The following CHRM2 variants were observed in gnomAD, a reference collection of about 807,000 sequenced individuals.
The protein encoded by CHRM2 is cholinergic receptor muscarinic 2, also known as muscarinic acetylcholine receptor M2.
A neutral mutation model predicts 25.0 loss-of-function variants in CHRM2; 8 were observed. The observed-to-expected ratio is 0.32, with a 90% CI of 0.19 to 0.58. The LOEUF is 0.58. Among genes scored for constraint, CHRM2 ranks in the 20% least tolerant of loss-of-function variants. The pLI, the probability that CHRM2 is intolerant of heterozygous loss-of-function variation, is 0.88. For missense variants in CHRM2, 440 were observed against 567.1 expected (o/e 0.78, Z 2.28); for synonymous variants, 202 against 205.7 (o/e 0.98, Z 0.15).
chr7:136,984,225 C>T (rs1218469888), intron 2 of CHRM2, among the ~76,000 whole-genome samples: 1 of 152,124 alleles, frequency 6.6e-6, no homozygotes, highest in Non-Finnish European at 1.5e-5. Context: ...TTCCCAGAGG[C>T]TTTGTTTGCA....
In CHRM2 at chr7:137,017,200, A is replaced by T. The variant is rs1202721536; in HGVS notation, c.*934A>T. The T allele has an allele frequency of 6.6e-6, 1 of 152,012 alleles. No homozygotes were observed. The highest frequency in any genetic ancestry group is 1.5e-5 in the Non-Finnish European group (1 of 67,950). 9.4% of individuals were successfully genotyped at this position (152,012 alleles called of 1,614,324 possible). On this transcript the variant is annotated 3_prime_UTR_variant, in exon 4 of 4. Coordinates refer to ENST00000680005, the MANE Select transcript of CHRM2 (RefSeq NM_001006630.2). Reference sequence around the variant, plus strand: ...GTTTAAGAAACCATCGTCACTGTAAAGTTGAGGTTTCATCAAATTAAATAA... The same window carrying T: ...GTTTAAGAAACCATCGTCACTGTAATGTTGAGGTTTCATCAAATTAAATAA...
At chr7:136,972,555 GAA>G (rs144044776) in intron 2 of CHRM2, among the ~76,000 whole-genome samples, 2 of 148,656 alleles carry the variant, frequency 1.3e-5, no homozygotes, top group Admixed American at 6.7e-5. Flanking sequence ...TCTTATGAAA[GAA>G]AAAAAAAATA....
intron 3 of CHRM2, among the ~76,000 whole-genome samples, chr7:137,010,409 G>A (rs996192196): frequency 1.3e-5 from 2 of 152,066 alleles, no homozygotes; most frequent in African/African-American, 4.8e-5. Flanking sequence ...CTGAGTTCTT[G>A]AAGGTCATCT....
intron 3 of CHRM2, among the ~76,000 whole-genome samples, chr7:137,001,699 T>C (rs1371393904): frequency 6.6e-6 from 1 of 152,184 alleles, no homozygotes; most frequent in African/African-American, 2.4e-5. Flanking sequence ...AGCAATACAA[T>C]AGGTCTGTAT....
chr7:136,908,833 G>T (rs1235114804), intron 2 of CHRM2, among the ~76,000 whole-genome samples: 1 of 151,890 alleles, frequency 6.6e-6, no homozygotes, highest in Non-Finnish European at 1.5e-5. Flanking sequence ...GGAAAGAGAT[G>T]AAATAAGTAT....
intron 2 of CHRM2, among the ~76,000 whole-genome samples, chr7:136,886,168 C>T (rs549826510): frequency 6.6e-6 from 1 of 152,304 alleles, no homozygotes; most frequent in South Asian, 2.1e-4. Flanking sequence ...TGGGTAGAAT[C>T]ACAGGTAGAT....
intron 2 of CHRM2, among the ~76,000 whole-genome samples, chr7:136,974,624 T>A (rs549762833): frequency 1.3e-5 from 2 of 152,286 alleles, no homozygotes; most frequent in Admixed American, 1.3e-4. Context: ...GGCTGTATTA[T>A]ATTATTTAAG....
At chr7:136,970,548 T>C (rs543866368) in intron 2 of CHRM2, among the ~76,000 whole-genome samples, 1 of 152,200 alleles carries the variant, frequency 6.6e-6, no homozygotes, top group African/African-American at 2.4e-5. Flanking sequence ...GTAATTTTTC[T>C]GAATGTAGGG....
chr7:136,996,728 TACCCATAA>T, intron 3 of CHRM2, among the ~76,000 whole-genome samples: 1 of 152,204 alleles, frequency 6.6e-6, no homozygotes, highest in African/African-American at 2.4e-5. Context: ...AAATATCATG[TACCCATAA>T]AAATGATGCA....
intron 2 of CHRM2, among the ~76,000 whole-genome samples, chr7:136,928,507 T>A (rs1259036571): frequency 6.6e-6 from 1 of 152,184 alleles, no homozygotes; most frequent in Admixed American, 6.5e-5. Flanking sequence ...CTTCAAAACA[T>A]CAGAGGAAAC....
intron 3 of CHRM2, among the ~76,000 whole-genome samples, chr7:137,002,561 T>C (rs1056479036): frequency 2.0e-5 from 3 of 152,120 alleles, no homozygotes; most frequent in African/African-American, 7.2e-5. Context: ...ACTTTGACCA[T>C]TGGGTTAGGA....
At chr7:136,963,313 G>A (rs189333753) in intron 2 of CHRM2, among the ~76,000 whole-genome samples, 46 of 152,220 alleles carry the variant, frequency 3.0e-4, no homozygotes, top group Admixed American at 9.2e-4. Context: ...CGTTTATCTC[G>A]TAAGCACGAG....
intron 2 of CHRM2, among the ~76,000 whole-genome samples, chr7:136,885,574 G>T (rs1350183209): frequency 6.6e-6 from 1 of 152,126 alleles, no homozygotes; most frequent in African/African-American, 2.4e-5. Flanking sequence ...CACTAGAAAT[G>T]GTTATTTATT....
intron 2 of CHRM2, among the ~76,000 whole-genome samples, chr7:136,923,680 A>G (rs1220413492): frequency 6.6e-6 from 1 of 152,130 alleles, no homozygotes; most frequent in African/African-American, 2.4e-5. Context: ...TAGTGTTGCA[A>G]GTGCCTTTTT....
rs369477845 is a variant in CHRM2, at chr7:136,876,113, T to G, written c.-125+6695T>G. Reference sequence around the variant, plus strand: ...TGGTGCCCACTAGGTGCTCAGTATATTCCTGTTATTTTTATATACCTAATC... The same window carrying G: ...TGGTGCCCACTAGGTGCTCAGTATAGTCCTGTTATTTTTATATACCTAATC... On this transcript the variant is annotated intron_variant, in intron 2 of 3. Coordinates refer to ENST00000680005, the MANE Select transcript of CHRM2 (RefSeq NM_001006630.2). Among the ~76,000 whole-genome samples, 14 of 152,342 alleles carry G rather than the reference T, an allele frequency of 9.2e-5. 1 individual carries two copies. Among genetic ancestry groups the G allele is most frequent in the African/African-American group, 1.2e-4 (5 of 41,582 alleles).
In CHRM2 at chr7:136,949,459, T is replaced by TAAAAA. The variant is rs386411435; in HGVS notation, c.-124-42713_-124-42709dup. On this transcript the variant is annotated intron_variant, in intron 2 of 3. Transcript: ENST00000680005. ...TAACAAGACCCTGTCTCTGCAAAAC[T>TAAAAA]AAAAAAAAAAAAAAAAAAATCAGCC... 2.0e-4 allele frequency among the ~76,000 whole-genome samples: 24 copies of TAAAAA among 120,822 alleles called. 2 individuals are homozygous for TAAAAA. The highest frequency in any genetic ancestry group is 1.8e-4 in the Non-Finnish European group (11 of 60,406). 79.3% of individuals were successfully genotyped at this position (120,822 alleles called of 152,430 possible).
chr7:136,972,006 T>C (rs1177975494), intron 2 of CHRM2, among the ~76,000 whole-genome samples: 2 of 152,172 alleles, frequency 1.3e-5, no homozygotes, highest in African/African-American at 4.8e-5. Flanking sequence ...CTTGATTCCA[T>C]AAAGGGCAAA....
At chr7:136,896,800 T>C (rs1796921329) in intron 2 of CHRM2, among the ~76,000 whole-genome samples, 3 of 152,076 alleles carry the variant, frequency 2.0e-5, no homozygotes. Flanking sequence ...CTGCAGGCAT[T>C]GGCAATGACA....
chr7:136,883,185 C>A (rs1248234363), intron 2 of CHRM2, among the ~76,000 whole-genome samples: 3 of 152,132 alleles, frequency 2.0e-5, no homozygotes, highest in African/African-American at 7.2e-5. Flanking sequence ...AGCTCCCTAG[C>A]AGTGGGGATC....
Sources: gnomAD v4.1 joint callset for allele counts (sites outside exome capture counted in the v4.1 genomes callset) on GRCh38, gnomAD v4.1.1 for gene constraint, MANE v1.5 for transcripts, NCBI Gene and HGNC (gene_info 2026-07-23, HGNC 2026-07-21) for gene names.